The following TMBIM4 variants were observed in gnomAD, a reference collection of about 807,000 sequenced individuals.
TMBIM4 encodes the protein transmembrane BAX inhibitor motif containing 4, also known as protein lifeguard 4.
TMBIM4 carries 28 observed loss-of-function variants against 27.7 expected under a neutral mutation model. That is an observed-to-expected ratio of 1.01 (90% CI 0.75 to 1.38). The LOEUF is 1.38. Among genes scored for constraint, TMBIM4 ranks in the 40% most tolerant of loss-of-function variants. The pLI is 0.00. For missense variants in TMBIM4, 265 were observed against 277.5 expected (o/e 0.95, Z 0.32); for synonymous variants, 115 against 113.1 (o/e 1.02, Z -0.11).
Position 66,161,447 on chromosome 12 carries a change from C to T in TMBIM4, c.98-7999G>A, listed in dbSNP as rs1292707242. Among the ~76,000 whole-genome samples, 5 of 152,170 alleles carry T rather than the reference C, an allele frequency of 3.3e-5. No homozygotes were observed. The East Asian group carries it at 7.7e-4, about 23-fold the overall frequency. On this transcript the variant is annotated intron_variant, in intron 1 of 6. Coordinates refer to ENST00000358230, the MANE Select transcript of TMBIM4 (RefSeq NM_016056.4). The stretch of plus-strand genomic sequence containing the variant: ...ATAGAGACAGGGTTTCACCGTGTTG[C>T]ATAGGCTAGTCTCGAACTTACGCAA...
chr12:66,154,827 T>C (rs1293393709), intron 1 of TMBIM4, among the ~76,000 whole-genome samples: 1 of 152,206 alleles, frequency 6.6e-6, no homozygotes, highest in Non-Finnish European at 1.5e-5. Context: ...TACTAAGGAT[T>C]TAATAATCAA....
intron 3 of TMBIM4, among the ~76,000 whole-genome samples, chr12:66,148,386 A>G (rs2051786727): frequency 6.6e-6 from 1 of 152,146 alleles, no homozygotes; most frequent in Non-Finnish European, 1.5e-5. Context: ...TTCTTCCCTA[A>G]TAACAGAATT....
intron 1 of TMBIM4, among the ~76,000 whole-genome samples, chr12:66,158,432 A>G (rs1163661409): frequency 6.6e-6 from 1 of 151,968 alleles, no homozygotes; most frequent in Non-Finnish European, 1.5e-5. Context: ...CGAGGTCAGG[A>G]GATCAAGACC....
In TMBIM4 at chr12:66,147,914, C is replaced by T. The variant is rs781631046; in HGVS notation, c.340G>A (p.Val114Ile). 1.9e-6 allele frequency: 3 copies of T among 1,611,238 alleles called. No individual in the cohort carries two copies. The South Asian group carries it at 3.3e-5, about 18-fold the overall frequency. Residue 114 changes from valine to isoleucine, a missense_variant, in exon 4 of 7, where the codon GTT becomes ATT. By Grantham distance (29) the Val-to-Ile change is conservative. Coordinates refer to ENST00000358230, the MANE Select transcript of TMBIM4 (RefSeq NM_016056.4). ...AAATGCAGTTACGGCTTACCAACAA[C>T]TGCCACAGTCAGAGCTTCCAACAGC... is the stretch of plus-strand genomic sequence containing the variant. Reference protein sequence around the residue: ...FTLLEALTVAVVVTFYDVYII... With the variant: ...FTLLEALTVAIVVTFYDVYII...
chr12:66,148,508 G>GA (rs1472128188), intron 3 of TMBIM4, among the ~76,000 whole-genome samples: 1 of 152,128 alleles, frequency 6.6e-6, no homozygotes, highest in East Asian at 1.9e-4. Flanking sequence ...ACTAAGATAG[G>GA]AATTCAACTT....
chr12:66,146,346 C>G (rs2051751921), intron 4 of TMBIM4, among the ~76,000 whole-genome samples: 1 of 152,140 alleles, frequency 6.6e-6, no homozygotes, highest in South Asian at 2.1e-4. Context: ...AGGGATGATT[C>G]TGGGTCTCCT....
intron 1 of TMBIM4, among the ~76,000 whole-genome samples, chr12:66,163,156 T>G (rs905556275): frequency 1.3e-5 from 2 of 152,226 alleles, no homozygotes; most frequent in Non-Finnish European, 2.9e-5. Flanking sequence ...ATGGCTGCCA[T>G]ATTCTATCCC....
intron 6 of TMBIM4, 95 bp from the exon 7 acceptor site, chr12:66,138,261 C>T (rs1243814612): frequency 6.7e-7 from 1 of 1,487,368 alleles, no homozygotes; most frequent in Admixed American, 2.5e-5. Context: ...CTACATTATA[C>T]ATTTGACAAT....
intron 5 of TMBIM4, among the ~76,000 whole-genome samples, chr12:66,142,862 T>C (rs1407645044): frequency 6.6e-6 from 1 of 152,150 alleles, no homozygotes; most frequent in Non-Finnish European, 1.5e-5. Flanking sequence ...TAATTTACTC[T>C]TATTCACTAA....
At position 66,169,870 on chromosome 12, in the gene TMBIM4, C is replaced by G. The variant is rs528454599; in HGVS notation, c.82G>C (p.Val28Leu). ...NYGSSVASAT[V>L]HIRMAFLRKV... ...GACAACGTACCCATTCGGATGTGCA[C>G]GGTGGCGGAGGCCACGCTGCTGCCA... is the stretch of plus-strand genomic sequence containing the variant. The change falls in exon 1 of 7, where the codon GTG becomes CTG. Residue 28 changes from valine (V) to leucine (L), a missense_variant. By Grantham distance (32) the Val-to-Leu change is conservative (BLOSUM62 1). Coordinates refer to ENST00000358230, the MANE Select transcript of TMBIM4 (RefSeq NM_016056.4). 6.6e-7 allele frequency: 1 copy of G among 1,511,742 alleles called. No homozygotes were observed. Among genetic ancestry groups the G allele is most frequent in the East Asian group, 2.8e-5 (1 of 35,718 alleles). 93.6% of individuals were successfully genotyped at this position (1,511,742 alleles called of 1,614,324 possible).
chr12:66,160,130 A>G, intron 1 of TMBIM4: 1 of 696,538 alleles, frequency 1.4e-6, no homozygotes, highest in Non-Finnish European at 2.6e-6. Context: ...TGCAACAGAT[A>G]TCTTATGGCC....
At chr12:66,144,047 T>C (rs1452657564) in intron 5 of TMBIM4, among the ~76,000 whole-genome samples, 2 of 152,166 alleles carry the variant, frequency 1.3e-5, no homozygotes, top group East Asian at 1.9e-4. Flanking sequence ...CTGGGCTGTA[T>C]ACCAAGAGCA....
chr12:66,153,910 G>C, intron 1 of TMBIM4, among the ~76,000 whole-genome samples: 1 of 151,772 alleles, frequency 6.6e-6, no homozygotes, highest in Non-Finnish European at 1.5e-5. Flanking sequence ...TCCTGAAAAG[G>C]CAAGTAATAT....
chr12:66,169,370 G>A (rs1431737723), intron 1 of TMBIM4: 1 of 641,900 alleles, frequency 1.6e-6, no homozygotes, highest in African/African-American at 1.9e-5. Flanking sequence ...AGAGGAAATA[G>A]TGCCGTCAGG....
chr12:66,141,309 C>T (rs188433871), intron 5 of TMBIM4, among the ~76,000 whole-genome samples: 102 of 151,918 alleles, frequency 6.7e-4, no homozygotes, highest in African/African-American at 2.3e-3. Flanking sequence ...CTAAAAGTTA[C>T]GGCAACAATG....
At chr12:66,156,896 A>C (rs2051945623) in intron 1 of TMBIM4, among the ~76,000 whole-genome samples, 1 of 152,150 alleles carries the variant, frequency 6.6e-6, no homozygotes, top group Admixed American at 6.6e-5. Flanking sequence ...AGAATGATGC[A>C]AAAGTGGCAG....
intron 5 of TMBIM4, among the ~76,000 whole-genome samples, chr12:66,142,001 G>A (rs778860210): frequency 4.6e-5 from 7 of 152,082 alleles, no homozygotes; most frequent in East Asian, 1.9e-4. Flanking sequence ...CAAATCATCC[G>A]ACAGCAGCAG....
At chr12:66,139,087 C>G (rs1487910716) in intron 5 of TMBIM4, 1 of 204,836 alleles carries the variant, frequency 4.9e-6, no homozygotes, top group Non-Finnish European at 9.6e-6. Flanking sequence ...ATTCAGAGAT[C>G]TATAAAAACT....
At chr12:66,162,246 G>A (rs970190402) in intron 1 of TMBIM4, among the ~76,000 whole-genome samples, 1 of 152,220 alleles carries the variant, frequency 6.6e-6, no homozygotes, top group African/African-American at 2.4e-5. Flanking sequence ...TTACCCCACA[G>A]TCAACTACAG....
Sources: gnomAD v4.1 joint callset for allele counts (sites outside exome capture counted in the v4.1 genomes callset) on GRCh38, gnomAD v4.1.1 for gene constraint, MANE v1.5 for transcripts, NCBI Gene and HGNC (gene_info 2026-07-23, HGNC 2026-07-21) for gene names.